The following ARHGAP6 variants were observed in gnomAD, a reference collection of about 807,000 sequenced individuals.
ARHGAP6 encodes Rho GTPase activating protein 6.
Under a neutral mutation model 55.7 loss-of-function variants are expected in ARHGAP6, and 16 were observed. The ratio of observed to expected loss-of-function variants is 0.29; its 90% confidence interval spans 0.19 to 0.44. ARHGAP6 has a LOEUF of 0.44. Among genes scored for constraint, ARHGAP6 ranks in the 20% least tolerant of loss-of-function variants. The pLI, the probability that ARHGAP6 is intolerant of heterozygous loss-of-function variation, is 1.00. For missense variants in ARHGAP6, 698 were observed against 808.9 expected (o/e 0.86, Z 1.66); for synonymous variants, 382 against 360.9 (o/e 1.06, Z -0.66).
At chrX:11,552,595 T>TATAA (rs2051280485) in intron 1 of ARHGAP6, among the ~76,000 whole-genome samples, 1 of 66,070 alleles carries the variant, frequency 1.5e-5, no homozygotes, top group Non-Finnish European at 2.9e-5. Flanking sequence ...TATATATATA[T>TATAA]ATATAGACAC....
chrX:11,536,512 A>G (rs1236781361), intron 1 of ARHGAP6, among the ~76,000 whole-genome samples: 2 of 111,908 alleles, frequency 1.8e-5, no homozygotes, highest in African/African-American at 6.5e-5. Context: ...CTCTACTTTT[A>G]TTCTCCAAAT....
intron 1 of ARHGAP6, among the ~76,000 whole-genome samples, chrX:11,432,636 T>C (rs2147790017): frequency 8.9e-6 from 1 of 112,302 alleles, no homozygotes; most frequent in South Asian, 3.7e-4. Context: ...CTTTTTTAAG[T>C]CTTTTTCATG....
intron 1 of ARHGAP6, among the ~76,000 whole-genome samples, chrX:11,423,962 T>C (rs2049852809): frequency 8.9e-6 from 1 of 112,380 alleles, no homozygotes; most frequent in Non-Finnish European, 1.9e-5. Context: ...CAGAAAGACA[T>C]AAAGATATTG....
intron 2 of ARHGAP6, among the ~76,000 whole-genome samples, chrX:11,243,649 T>A (rs767012009): frequency 1.8e-5 from 2 of 112,326 alleles, no homozygotes; most frequent in South Asian, 7.4e-4. Context: ...AAATATTTGG[T>A]CACATATGCA....
chrX:11,156,220 C>T (rs780649404), intron 10 of ARHGAP6, among the ~76,000 whole-genome samples: 10 of 112,307 alleles, frequency 8.9e-5, no homozygotes, highest in East Asian at 2.8e-4. Context: ...GAATCATTGA[C>T]GTGTATTATA....
intron 1 of ARHGAP6, among the ~76,000 whole-genome samples, chrX:11,465,924 TCTCCTC>T (rs745969201): frequency 9.6e-6 from 1 of 103,865 alleles, no homozygotes. Context: ...GACGAGTATG[TCTCCTC>T]CTCCTCCTCC....
chrX:11,644,829 C>T (rs752248777), intron 1 of ARHGAP6, among the ~76,000 whole-genome samples: 225 of 111,579 alleles, frequency 2.0e-3, no homozygotes, highest in Middle Eastern at 4.6e-3. Context: ...ACACAGCAAT[C>T]CTACTCCTGG....
At chrX:11,322,253 G>C (rs996340708) in intron 1 of ARHGAP6, among the ~76,000 whole-genome samples, 1 of 111,729 alleles carries the variant, frequency 9.0e-6, no homozygotes, top group Non-Finnish European at 1.9e-5. Context: ...AGCATCCTTG[G>C]CCAGTAGCAA....
At chrX:11,620,426 A>G (rs1486253706) in intron 1 of ARHGAP6, among the ~76,000 whole-genome samples, 2 of 112,765 alleles carry the variant, frequency 1.8e-5, no homozygotes, top group Non-Finnish European at 3.7e-5. Flanking sequence ...CAATGCCAGA[A>G]TATAAATTAA....
intron 1 of ARHGAP6, among the ~76,000 whole-genome samples, chrX:11,274,138 C>G (rs1027012672): frequency 3.6e-5 from 4 of 111,442 alleles, no homozygotes; most frequent in African/African-American, 1.3e-4. Flanking sequence ...ATCAAAATAA[C>G]TGTATGAGGT....
chrX:11,217,670 C>T (rs1252096589), intron 2 of ARHGAP6, among the ~76,000 whole-genome samples: 2 of 111,793 alleles, frequency 1.8e-5, no homozygotes, highest in African/African-American at 6.5e-5. Context: ...GTTACCTGTT[C>T]ACTCTGATGA....
intron 1 of ARHGAP6, among the ~76,000 whole-genome samples, chrX:11,391,629 G>C (rs1232990103): frequency 8.9e-6 from 1 of 112,180 alleles, no homozygotes; most frequent in Non-Finnish European, 1.9e-5. Flanking sequence ...TGGTCTTCAA[G>C]TTTTGCTGTA....
Position 11,343,404 on chromosome X carries a change from T to C in ARHGAP6, c.589-88697A>G, listed in dbSNP as rs1240920460. Among the ~76,000 whole-genome samples, 2 of 112,460 alleles carry C rather than the reference T, an allele frequency of 1.8e-5. 1 individual carries two copies. The highest frequency in any genetic ancestry group is 3.8e-5 in the Non-Finnish European group (2 of 53,315). ...TATAGGGCTGTCCTGATTGTAACTA[T>C]AGAATTAGGAAGCCCTCTATATTTC... On this transcript the variant is annotated intron_variant, in intron 1 of 12. Transcript: ENST00000337414.
chrX:11,527,925 T>C (rs2051007405), intron 1 of ARHGAP6, among the ~76,000 whole-genome samples: 1 of 112,554 alleles, frequency 8.9e-6, no homozygotes, highest in Non-Finnish European at 1.9e-5. Context: ...TGGAATATAC[T>C]GTAAAAATAT....
At chrX:11,398,953 C>T (rs2049513437) in intron 1 of ARHGAP6, among the ~76,000 whole-genome samples, 1 of 112,106 alleles carries the variant, frequency 8.9e-6, no homozygotes, top group African/African-American at 3.2e-5. Flanking sequence ...TACAAGTCAA[C>T]AGATTAACAT....
intron 1 of ARHGAP6, among the ~76,000 whole-genome samples, chrX:11,325,582 T>C (rs934637799): frequency 1.8e-5 from 2 of 112,438 alleles, no homozygotes; most frequent in Non-Finnish European, 3.8e-5. Context: ...CAGAAAATGT[T>C]GTCACTGTTA....
chrX:11,411,468 T>A lies in ARHGAP6; in HGVS notation c.589-156761A>T, dbSNP rs1043631271. 2.8e-5 allele frequency among the ~76,000 whole-genome samples: 3 copies of A among 107,963 alleles called. No homozygotes were observed. In the Admixed American group the frequency reaches 3.1e-4, roughly 11 times the overall value. The allele number at this position is 107,963 out of a possible 115,157, so 93.8% of individuals were successfully genotyped here. On this transcript the variant is annotated intron_variant, in intron 1 of 12. Transcript: ENST00000337414. ...TATTAATTCAGTTTTGCAACATTTTTATCAAATTATATAGACAGTCCTGGT... is the reference window on the plus strand; with the variant it reads ...TATTAATTCAGTTTTGCAACATTTTAATCAAATTATATAGACAGTCCTGGT...
intron 9 of ARHGAP6, among the ~76,000 whole-genome samples, chrX:11,165,129 A>T (rs1234426688): frequency 1.8e-5 from 2 of 111,724 alleles, no homozygotes; most frequent in African/African-American, 6.5e-5. Flanking sequence ...TGGACACTGG[A>T]CAAAATCGAA....
At chrX:11,359,773 A>G (rs1247578536) in intron 1 of ARHGAP6, among the ~76,000 whole-genome samples, 57 of 104,933 alleles carry the variant, frequency 5.4e-4, no homozygotes, top group Admixed American at 7.1e-4. Flanking sequence ...ACTAATAAAG[A>G]AAAAAAGAGA....
Sources: allele counts gnomAD v4.1 joint callset (sites outside exome capture counted in the v4.1 genomes callset), GRCh38; gene constraint gnomAD v4.1.1; transcripts MANE v1.5; gene names NCBI Gene and HGNC (gene_info 2026-07-23, HGNC 2026-07-21).